ISCU: variants seen among roughly 807,000 people sequenced by gnomAD.
The protein encoded by ISCU is iron-sulfur cluster assembly enzyme ISCU.
ISCU carries 13 observed loss-of-function variants against 18.4 expected under a neutral mutation model. The observed-to-expected ratio is 0.71, with a 90% CI of 0.46 to 1.12. The LOEUF is 1.12. ISCU is among the 50% of genes most tolerant of loss of function. The probability of loss-of-function intolerance (pLI) is 0.00; values close to 1 mark genes in which losing one functional copy is unlikely to be tolerated. For missense variants in ISCU, 229 were observed against 208.7 expected, an observed-to-expected ratio of 1.10 and a Z score of -0.60; for synonymous variants, 104 against 87.5, an observed-to-expected ratio of 1.19 and a Z score of -1.06.
Position 108,562,603 on chromosome 12 carries a change from C to T in ISCU, c.-20C>T. 7.1e-7 allele frequency: 1 copy of T among 1,398,846 alleles called. No homozygotes were observed. Among genetic ancestry groups the T allele is most frequent in the Non-Finnish European group, 9.4e-7 (1 of 1,063,928 alleles). 86.7% of individuals were successfully genotyped at this position (1,398,846 alleles called of 1,614,324 possible). The stretch of plus-strand genomic sequence containing the variant: ...GCCCCTCGGCGTCGCTCTGGACTGG[C>T]GCAGGCGCAAGCCGGCAAGATGGCG... On this transcript the variant is annotated 5_prime_UTR_variant, in exon 1 of 5. Coordinates refer to ENST00000311893, the MANE Select transcript of ISCU (RefSeq NM_213595.4).
chr12:108,564,520 T>C (rs1266563154), intron 2 of ISCU, 128 bp downstream of exon 2: 9 of 730,100 alleles, frequency 1.2e-5, no homozygotes, highest in Non-Finnish European at 2.2e-5. Context: ...TCTCCATTCC[T>C]GTGAGATGGG....
chr12:108,567,055 C>G, intron 3 of ISCU, 135 bp from the exon 4 acceptor site: 2 of 716,988 alleles, frequency 2.8e-6, no homozygotes, highest in South Asian at 1.5e-5. Flanking sequence ...TGAGAAGACC[C>G]TTAGCCGTTT....
At chr12:108,562,173 G>A (rs1325377841), upstream of ISCU, among the ~76,000 whole-genome samples, 1 of 152,180 alleles carries the variant, frequency 6.6e-6, no homozygotes, top group Admixed American at 6.5e-5. Context: ...TTCTAACCCA[G>A]GATTACCCAA....
intron 1 of ISCU, chr12:108,563,770 C>T (rs2030748679): frequency 2.6e-6 from 1 of 382,802 alleles, no homozygotes. Flanking sequence ...CTGTGAAATA[C>T]GGTAATGGCA....
chr12:108,562,603 C>G lies in ISCU; in HGVS notation c.-20C>G, dbSNP rs1322899265. The G allele has an allele frequency of 1.6e-5, 22 of 1,398,730 alleles. No homozygotes were observed. The highest frequency in any genetic ancestry group is 2.6e-5 in the Admixed American group (1 of 38,968). 86.6% of individuals were successfully genotyped at this position (1,398,730 alleles called of 1,614,324 possible). ...GCCCCTCGGCGTCGCTCTGGACTGG[C>G]GCAGGCGCAAGCCGGCAAGATGGCG... On this transcript the variant is annotated 5_prime_UTR_variant, in exon 1 of 5. Coordinates refer to ENST00000311893, the MANE Select transcript of ISCU (RefSeq NM_213595.4).
chr12:108,562,634 T>G lies in ISCU; in HGVS notation c.12T>G (p.Ala4=), dbSNP rs560535530. 1.4e-6 allele frequency: 2 copies of G among 1,476,828 alleles called. No individual in the cohort carries two copies. The highest frequency in any genetic ancestry group is 1.5e-5 in the African/African-American group (1 of 68,736). The allele number at this position is 1,476,828 out of a possible 1,614,324, so 91.5% of individuals were successfully genotyped here. ...CGCAAGCCGGCAAGATGGCGGCGGC[T>G]GGGGCTTTCCGTCTGAGGCGGGCGG... MAA[A]GAFRLRRAAS... is the part of the protein sequence containing the mutation. The change falls in exon 1 of 5, where the codon GCT becomes GCG. Residue 4 remains alanine, a synonymous_variant. Transcript: ENST00000311893.
At chr12:108,567,644 A>G (rs760891515) in intron 4 of ISCU, 23 of 1,534,588 alleles carry the variant, frequency 1.5e-5, no homozygotes, top group Middle Eastern at 1.7e-4. Flanking sequence ...TTAAGCTCCA[A>G]TCTTTGATTT....
intron 1 of ISCU, chr12:108,563,812 C>T (rs1184152202): frequency 6.1e-6 from 3 of 489,796 alleles, no homozygotes; most frequent in Non-Finnish European, 1.1e-5. Context: ...CATAAACGTA[C>T]ACATTCCATA....
intron 3 of ISCU, among the ~76,000 whole-genome samples, chr12:108,566,554 C>T (rs2030906869): frequency 6.6e-6 from 1 of 152,220 alleles, no homozygotes; most frequent in Non-Finnish European, 1.5e-5. Context: ...ATCTGGTTTT[C>T]TGTAAGGCAG....
At chr12:108,565,187 C>G in intron 2 of ISCU, 134 bp from the exon 3 acceptor site, 2 of 710,124 alleles carry the variant, frequency 2.8e-6, no homozygotes, top group Non-Finnish European at 5.2e-6. Flanking sequence ...AAGGCAAAGT[C>G]AGTAATTAAT....
Position 108,568,008 on chromosome 12 carries a change from C to G in ISCU, c.418+740C>G, listed in dbSNP as rs1190621018. 3.3e-6 allele frequency: 5 copies of G among 1,530,592 alleles called. No individual in the cohort carries two copies. The South Asian group carries it at 6.0e-5, about 18-fold the overall frequency. 94.8% of individuals were successfully genotyped at this position (1,530,592 alleles called of 1,614,324 possible). A position where few individuals can be genotyped will look rare whatever the true frequency, so the allele number is the denominator to read the frequency against. ...TAAAAATCAGCAGAGAGTCAGGCCT[C>G]TTGCCAAGGTAATACTCACAGCAGA... is the stretch of plus-strand genomic sequence containing the variant. On this transcript the variant is annotated intron_variant, in intron 4 of 4. Coordinates refer to ENST00000311893, the MANE Select transcript of ISCU (RefSeq NM_213595.4).
In ISCU at chr12:108,569,073, T is replaced by A; in HGVS notation, c.*157T>A. On this transcript the variant is annotated 3_prime_UTR_variant, in exon 5 of 5. Coordinates refer to ENST00000311893, the MANE Select transcript of ISCU (RefSeq NM_213595.4). Reference sequence around the variant, plus strand: ...CGTTATGACTCTCATGCAAGCAAAATACACAGTTTCATTGTTCTGAATCCT... The same window carrying A: ...CGTTATGACTCTCATGCAAGCAAAAAACACAGTTTCATTGTTCTGAATCCT... The A allele has an allele frequency of 1.5e-6, 1 of 681,432 alleles. No homozygotes were observed. The highest frequency in any genetic ancestry group is 2.4e-5 in the Admixed American group (1 of 42,388). The allele number at this position is 681,432 out of a possible 1,614,324, so 42.2% of individuals were successfully genotyped here.
intron 1 of ISCU, chr12:108,563,878 T>C: frequency 3.3e-6 from 2 of 612,338 alleles, no homozygotes; most frequent in East Asian, 5.8e-5. Flanking sequence ...TTTCCCTCCC[T>C]GGGCCATGGT....
In ISCU at chr12:108,564,354, G is replaced by T; in HGVS notation, c.190G>T (p.Val64Leu). ...KTSKNVGTGL[V>L]GAPACGDVMK... Reference sequence around the variant, plus strand: ...ATCTAAAAATGTTGGAACTGGACTGGTGGGGGCTCCAGCATGTGGTGACGT... The same window carrying T: ...ATCTAAAAATGTTGGAACTGGACTGTTGGGGGCTCCAGCATGTGGTGACGT... Residue 64 changes from valine to leucine, a missense_variant, in exon 2 of 5, where the codon GTG becomes TTG. Transcript: ENST00000311893. 1.2e-6 allele frequency: 2 copies of T among 1,614,144 alleles called. No individual in the cohort carries two copies. Among genetic ancestry groups the T allele is most frequent in the Non-Finnish European group, 8.5e-7 (1 of 1,179,954 alleles).
In ISCU at chr12:108,564,521, G is replaced by T. The variant is rs1224418246; in HGVS notation, c.228+129G>T. 18 of 728,784 alleles carry T rather than the reference G, an allele frequency of 2.5e-5. No individual in the cohort carries two copies. The Admixed American group carries it at 3.6e-4, about 15-fold the overall frequency. 45.1% of individuals were successfully genotyped at this position (728,784 alleles called of 1,614,324 possible). Reference sequence around the variant, plus strand: ...AGCATTTCACTTGGTCTCCATTCCTGTGAGATGGGATGAGTCCATGTTAGA... The same window carrying T: ...AGCATTTCACTTGGTCTCCATTCCTTTGAGATGGGATGAGTCCATGTTAGA... On this transcript the variant is annotated intron_variant, in intron 2 of 4. Coordinates refer to ENST00000311893, the MANE Select transcript of ISCU (RefSeq NM_213595.4).
chr12:108,562,616 C>G lies in ISCU; in HGVS notation c.-7C>G. 6.9e-7 allele frequency: 1 copy of G among 1,451,430 alleles called. No homozygotes were observed. The highest frequency in any genetic ancestry group is 9.1e-7 in the Non-Finnish European group (1 of 1,103,472). The allele number at this position is 1,451,430 out of a possible 1,614,324, so 89.9% of individuals were successfully genotyped here. On this transcript the variant is annotated 5_prime_UTR_variant, in exon 1 of 5. Coordinates refer to ENST00000311893, the MANE Select transcript of ISCU (RefSeq NM_213595.4). The stretch of plus-strand genomic sequence containing the variant: ...GCTCTGGACTGGCGCAGGCGCAAGC[C>G]GGCAAGATGGCGGCGGCTGGGGCTT...
chr12:108,564,405 T>G lies in ISCU; in HGVS notation c.228+13T>G. 6.5e-7 allele frequency: 1 copy of G among 1,532,588 alleles called. No homozygotes were observed. The highest frequency in any genetic ancestry group is 9.0e-7 in the Non-Finnish European group (1 of 1,105,592). The allele number at this position is 1,532,588 out of a possible 1,614,324, so 94.9% of individuals were successfully genotyped here. A position where few individuals can be genotyped will look rare whatever the true frequency, so the allele number is the denominator to read the frequency against. On this transcript the variant is annotated intron_variant, in intron 2 of 4. Transcript: ENST00000311893. The stretch of plus-strand genomic sequence containing the variant: ...AATGAAATTACAGGTATGGCTAGTC[T>G]TTTTTAATAGTGATAACAATAATCC...
At chr12:108,562,414 G>C (rs2030618400), upstream of ISCU, among the ~76,000 whole-genome samples, 1 of 152,246 alleles carries the variant, frequency 6.6e-6, no homozygotes, top group African/African-American at 2.4e-5. Context: ...GCCCTCCAGC[G>C]ACTTCAGACC....
chr12:108,568,981 T>A lies in ISCU; in HGVS notation c.*65T>A, dbSNP rs1435452004. 1 of 1,398,128 alleles carries A rather than the reference T, an allele frequency of 7.2e-7. No individual in the cohort carries two copies. The highest frequency in any genetic ancestry group is 1.0e-6 in the Non-Finnish European group (1 of 1,001,236). 86.6% of individuals were successfully genotyped at this position (1,398,128 alleles called of 1,614,324 possible). The stretch of plus-strand genomic sequence containing the variant: ...GTTTCCCACCTGCTGTGCAGTCACC[T>A]TAGATGTTCAGAAGCCGCTTCCTCT... On this transcript the variant is annotated 3_prime_UTR_variant, in exon 5 of 5. Coordinates refer to ENST00000311893, the MANE Select transcript of ISCU (RefSeq NM_213595.4).
Sources: allele counts gnomAD v4.1 joint callset (sites outside exome capture counted in the v4.1 genomes callset), GRCh38; gene constraint gnomAD v4.1.1; transcripts MANE v1.5; gene names NCBI Gene and HGNC (gene_info 2026-07-23, HGNC 2026-07-21).